Variants in RBFOX1 observed in about 807,000 individuals in gnomAD.
RBFOX1 encodes the protein RNA binding fox-1 homolog 1.
A neutral mutation model predicts 57.7 loss-of-function variants in RBFOX1; 8 were observed. That is an observed-to-expected ratio of 0.14 (90% confidence interval 0.08 to 0.25). The LOEUF (loss-of-function observed/expected upper bound fraction) is 0.25, where lower values mean the gene tolerates loss of function less well. RBFOX1 is among the 10% of genes least tolerant of loss of function. RBFOX1 has a pLI of 1.00. For missense variants in RBFOX1, 611 were observed against 548.5 expected, an observed-to-expected ratio of 1.11 and a Z score of -1.14; for synonymous variants, 326 against 222.4, an observed-to-expected ratio of 1.47 and a Z score of -4.15.
At chr16:5,568,440 C>G (rs1157885103) in intron 2 of RBFOX1, among the ~76,000 whole-genome samples, 2 of 152,174 alleles carry the variant, frequency 1.3e-5, no homozygotes, top group Non-Finnish European at 2.9e-5. Context: ...AGCCCCTTCT[C>G]TTTCCCCCTT....
intron 1 of RBFOX1, among the ~76,000 whole-genome samples, chr16:5,445,337 A>G (rs1181545730): frequency 1.3e-5 from 2 of 152,076 alleles, no homozygotes; most frequent in East Asian, 1.9e-4. Context: ...TGAATGTTCC[A>G]TGTTCTACAA....
intron 1 of RBFOX1, among the ~76,000 whole-genome samples, chr16:6,272,631 C>T (rs1196571256): frequency 6.6e-6 from 1 of 152,096 alleles, no homozygotes; most frequent in African/African-American, 2.4e-5. Context: ...AAAAGCTTAA[C>T]AATTTTGTAA....
intron 1 of RBFOX1, among the ~76,000 whole-genome samples, chr16:6,202,060 A>C (rs1050556559): frequency 2.6e-5 from 4 of 152,202 alleles, no homozygotes; most frequent in Admixed American, 2.6e-4. Context: ...GCCCAACTGC[A>C]TTAAAAACAA....
At chr16:5,687,077 GT>G (rs2050526996) in intron 3 of RBFOX1, among the ~76,000 whole-genome samples, 2 of 152,162 alleles carry the variant, frequency 1.3e-5, no homozygotes, top group Non-Finnish European at 2.9e-5. Flanking sequence ...AAATTAAGGA[GT>G]TAATATGAGC....
rs1019927375 is a variant in RBFOX1, at chr16:7,244,265, A to G, written c.27+192167A>G. Among the ~76,000 whole-genome samples the G allele has an allele frequency of 5.9e-5, 9 of 151,318 alleles. 1 individual carries two copies. Among genetic ancestry groups the G allele is most frequent in the Non-Finnish European group, 1.3e-4 (9 of 67,846 alleles). ...AGTATTCCAAAAAAAAAAAAAAAAAAAAAAAACACCCTTGGGCTTTTCATT... is the reference window on the plus strand; with the variant it reads ...AGTATTCCAAAAAAAAAAAAAAAAAGAAAAAACACCCTTGGGCTTTTCATT... On this transcript the variant is annotated intron_variant, in intron 4 of 15. Transcript: ENST00000550418.
chr16:6,579,197 T>C (rs186148677), intron 2 of RBFOX1, among the ~76,000 whole-genome samples: 2 of 152,324 alleles, frequency 1.3e-5, no homozygotes, highest in Non-Finnish European at 2.9e-5. Flanking sequence ...TTGTTTTCTT[T>C]TTTGTTATTG....
At chr16:6,754,856 C>G (rs561710509) in intron 3 of RBFOX1, among the ~76,000 whole-genome samples, 1 of 151,794 alleles carries the variant, frequency 6.6e-6, no homozygotes, top group South Asian at 2.1e-4. Flanking sequence ...CCTCCCCTCT[C>G]CCCCCACCCC....
chr16:7,414,549 G>A (rs963682579), intron 4 of RBFOX1, among the ~76,000 whole-genome samples: 1 of 152,152 alleles, frequency 6.6e-6, no homozygotes, highest in Non-Finnish European at 1.5e-5. Context: ...AACCAATATA[G>A]TAGGAACTTG....
chr16:6,740,349 C>A (rs770078783), intron 3 of RBFOX1, among the ~76,000 whole-genome samples: 7 of 152,108 alleles, frequency 4.6e-5, no homozygotes, highest in African/African-American at 9.7e-5. Flanking sequence ...AATACAGGAA[C>A]AAGACACCAC....
rs578056345 is a variant in RBFOX1 at position 5,527,474 on chromosome 16, T to G, written c.258+60220T>G. On this transcript the variant is annotated intron_variant, in intron 2 of 2. Coordinates refer to the RBFOX1 transcript ENST00000585867. ...AAGTTGGAAGCAAGATGAAAAGAGC[T>G]TCTCTGTGATTTAGAACAGCTGTTT... 4.9e-4 allele frequency among the ~76,000 whole-genome samples: 75 copies of G among 152,338 alleles called. 2 individuals carry two copies. The South Asian group carries it at 0.015, about 30-fold the overall frequency.
At chr16:7,518,877 G>T (rs1394687870) in intron 5 of RBFOX1, among the ~76,000 whole-genome samples, 1 of 151,846 alleles carries the variant, frequency 6.6e-6, no homozygotes, top group South Asian at 2.1e-4. Context: ...TTAAAATTTA[G>T]CTGAGTGTCA....
chr16:6,934,426 C>T lies in RBFOX1; in HGVS notation c.-15-117631C>T, dbSNP rs2077041118. 2.0e-5 allele frequency among the ~76,000 whole-genome samples: 3 copies of T among 152,144 alleles called. 1 individual carries two copies. The South Asian group carries it at 6.2e-4, about 32-fold the overall frequency. The stretch of plus-strand genomic sequence containing the variant: ...TATTTGAAAGGGAGACCTGCCTTTA[C>T]ATGTTTATTGCAGCACTACTTAAAA... On this transcript the variant is annotated intron_variant, in intron 3 of 15. Transcript: ENST00000550418.
chr16:6,342,456 A>G (rs1007155346), intron 2 of RBFOX1, among the ~76,000 whole-genome samples: 1 of 152,214 alleles, frequency 6.6e-6, no homozygotes. Context: ...AGACTAGCCC[A>G]TGAATGGCAC....
intron 4 of RBFOX1, among the ~76,000 whole-genome samples, chr16:7,467,458 C>T (rs1219366571): frequency 6.6e-6 from 1 of 152,150 alleles, no homozygotes; most frequent in Non-Finnish European, 1.5e-5. Flanking sequence ...TGAAAAACCC[C>T]AAATGCCCAG....
chr16:6,845,410 G>C (rs549201622), intron 3 of RBFOX1, among the ~76,000 whole-genome samples: 1 of 151,872 alleles, frequency 6.6e-6, no homozygotes, highest in Non-Finnish European at 1.5e-5. Flanking sequence ...CCAGACAGTT[G>C]TCCCAGCACC....
chr16:7,703,076 T>C (rs1598488978), intron 14 of RBFOX1, among the ~76,000 whole-genome samples: 1 of 151,940 alleles, frequency 6.6e-6, no homozygotes. Context: ...AGCTAGACCA[T>C]GGCTCTCTAA....
intron 1 of RBFOX1, among the ~76,000 whole-genome samples, chr16:5,353,415 AG>A (rs1487388512): frequency 6.6e-6 from 1 of 150,930 alleles, no homozygotes. Flanking sequence ...GGAGTTCCCC[AG>A]CCCTCCCCTC....
intron 3 of RBFOX1, among the ~76,000 whole-genome samples, chr16:6,795,887 C>G (rs569279889): frequency 1.3e-5 from 2 of 151,860 alleles, no homozygotes; most frequent in Non-Finnish European, 2.9e-5. Context: ...CTTCCCTTTC[C>G]TTTTATGTTC....
intron 5 of RBFOX1, among the ~76,000 whole-genome samples, chr16:7,572,499 G>C (rs779040550): frequency 5.3e-5 from 8 of 152,306 alleles, no homozygotes; most frequent in African/African-American, 1.9e-4. Flanking sequence ...GTGGAGGCCA[G>C]TGATGCTGTT....
Sources: allele counts gnomAD v4.1 joint callset (sites outside exome capture counted in the v4.1 genomes callset), GRCh38; gene constraint gnomAD v4.1.1; transcripts MANE v1.5; gene names NCBI Gene and HGNC (gene_info 2026-07-23, HGNC 2026-07-21).